Variants in GRM5 observed in about 807,000 individuals in gnomAD.
The protein encoded by GRM5 is metabotropic glutamate receptor 5.
In GRM5, 19 loss-of-function variants were observed where a neutral mutation model predicts 83.1. That is an observed-to-expected ratio of 0.23 (90% CI 0.16 to 0.34). The LOEUF (loss-of-function observed/expected upper bound fraction) is 0.34, where lower values mean the gene tolerates loss of function less well. Ranked by LOEUF, GRM5 falls within the 10% of genes least tolerant of loss-of-function variation. GRM5 has a pLI of 1.00. For missense variants in GRM5, 1,160 were observed against 1,588.3 expected (o/e 0.73, Z 4.58); for synonymous variants, 675 against 633.6 (o/e 1.07, Z -0.98).
intron 4 of GRM5, among the ~76,000 whole-genome samples, chr11:88,649,317 A>G (rs1330515182): frequency 1.4e-5 from 2 of 140,248 alleles, no homozygotes; most frequent in Admixed American, 7.5e-5. Context: ...TACATATTAC[A>G]TATATATGTA....
chr11:89,000,998 G>A (rs1426724673), intron 2 of GRM5, among the ~76,000 whole-genome samples: 3 of 140,500 alleles, frequency 2.1e-5, no homozygotes, highest in African/African-American at 7.5e-5. Context: ...ACCACAGTGA[G>A]ATAGCACTAT....
intron 2 of GRM5, among the ~76,000 whole-genome samples, chr11:88,853,188 G>A (rs1239790508): frequency 3.3e-5 from 5 of 152,090 alleles, no homozygotes; most frequent in African/African-American, 7.2e-5. Flanking sequence ...GTCTTCACTC[G>A]TAGCTCACGC....
chr11:88,685,054 C>T (rs972869169), intron 3 of GRM5, among the ~76,000 whole-genome samples: 6 of 152,104 alleles, frequency 3.9e-5, no homozygotes, highest in African/African-American at 7.2e-5. Context: ...GGCAAAAGTT[C>T]GAACAGTTTG....
intron 5 of GRM5, among the ~76,000 whole-genome samples, chr11:88,600,009 TCAAAA>T (rs757098995): frequency 1.6e-3 from 237 of 152,276 alleles, no homozygotes; most frequent in African/African-American, 4.7e-3. Flanking sequence ...TGAGACTGTC[TCAAAA>T]CAAAACAAAA....
chr11:88,776,929 T>A (rs1416487951), intron 3 of GRM5, among the ~76,000 whole-genome samples: 1 of 152,340 alleles, frequency 6.6e-6, no homozygotes, highest in African/African-American at 2.4e-5. Flanking sequence ...GGGGTTGCTC[T>A]TCTTGAGGAG....
chr11:88,626,713 G>T (rs542972915), intron 4 of GRM5, among the ~76,000 whole-genome samples: 33 of 152,288 alleles, frequency 2.2e-4, no homozygotes, highest in African/African-American at 5.8e-4. Context: ...TGGAGATGAA[G>T]TTTTGGGAAG....
intron 4 of GRM5, among the ~76,000 whole-genome samples, chr11:88,607,704 G>T (rs981707442): frequency 6.6e-6 from 1 of 152,002 alleles, no homozygotes; most frequent in African/African-American, 2.4e-5. Flanking sequence ...AAATTATTCC[G>T]CCCTAGACAC....
At chr11:89,003,007 G>T (rs140703105) in intron 2 of GRM5, among the ~76,000 whole-genome samples, 971 of 150,872 alleles carry the variant, frequency 6.4e-3, no homozygotes, top group Non-Finnish European at 0.011. Flanking sequence ...TTTTTTTTGT[G>T]TTCTTGTTCA....
intron 1 of GRM5, 87 bp downstream of exon 1, chr11:89,065,689 C>G (rs1484081777): frequency 6.6e-6 from 1 of 152,392 alleles, no homozygotes; most frequent in Non-Finnish European, 1.5e-5. Context: ...TGATTGCTCT[C>G]CATCCCTGCA....
chr11:88,958,134 A>G, intron 2 of GRM5, among the ~76,000 whole-genome samples: 1 of 151,802 alleles, frequency 6.6e-6, no homozygotes, highest in Non-Finnish European at 1.5e-5. Flanking sequence ...ACCAGAAAGA[A>G]GCCTTCAGGA....
chr11:88,681,564 C>CCTTTT (rs1940488074), intron 3 of GRM5, among the ~76,000 whole-genome samples: 1 of 19,346 alleles, frequency 5.2e-5, no homozygotes, highest in Non-Finnish European at 1.4e-4. Context: ...TTGAGTTCTT[C>CCTTTT]CTTTTTTTTT....
intron 2 of GRM5, among the ~76,000 whole-genome samples, chr11:88,902,344 T>A (rs532706203): frequency 6.6e-6 from 1 of 152,180 alleles, no homozygotes; most frequent in African/African-American, 2.4e-5. Context: ...ACATTCTATC[T>A]GGGAAGAGAA....
intron 2 of GRM5, among the ~76,000 whole-genome samples, chr11:88,880,734 T>C (rs1944937564): frequency 6.6e-6 from 1 of 152,118 alleles, no homozygotes; most frequent in Admixed American, 6.6e-5. Flanking sequence ...AAATAGAATG[T>C]TTTAAAGGAA....
chr11:88,861,822 C>G (rs1468121692), intron 2 of GRM5, among the ~76,000 whole-genome samples: 1 of 152,064 alleles, frequency 6.6e-6, no homozygotes, highest in Admixed American at 6.6e-5. Context: ...GCTGTCATTG[C>G]TCAACTCCCC....
At chr11:88,544,880 G>T (rs1450136108) in intron 8 of GRM5, among the ~76,000 whole-genome samples, 2 of 152,202 alleles carry the variant, frequency 1.3e-5, no homozygotes, top group African/African-American at 2.4e-5. Context: ...CCTGCATCTT[G>T]ATAGTTTGCA....
At chr11:88,698,582 G>A (rs904463) in intron 3 of GRM5, among the ~76,000 whole-genome samples, 120,066 of 152,046 alleles carry the variant, frequency 0.79, 51,043 homozygotes, top group Non-Finnish European at 0.96. Context: ...AATAGCATGG[G>A]ATCTTATTCT....
intron 3 of GRM5, among the ~76,000 whole-genome samples, chr11:88,741,536 T>G (rs1942028847): frequency 6.6e-6 from 1 of 152,108 alleles, no homozygotes; most frequent in Admixed American, 6.6e-5. Context: ...TATTCTTACA[T>G]TCATGCATTC....
At chr11:88,947,421 A>C (rs1938315333) in intron 2 of GRM5, among the ~76,000 whole-genome samples, 1 of 152,124 alleles carries the variant, frequency 6.6e-6, no homozygotes, top group Non-Finnish European at 1.5e-5. Flanking sequence ...TAGGACAATA[A>C]AGTCACCCAC....
At chr11:88,776,267 GT>G (rs557317913) in intron 3 of GRM5, among the ~76,000 whole-genome samples, 1 of 151,464 alleles carries the variant, frequency 6.6e-6, no homozygotes, top group Non-Finnish European at 1.5e-5. Context: ...TGCAACCCCT[GT>G]TTTTTTTGCT....
Sources: allele counts gnomAD v4.1 joint callset (sites outside exome capture counted in the v4.1 genomes callset), GRCh38; gene constraint gnomAD v4.1.1; transcripts MANE v1.5; gene names NCBI Gene and HGNC (gene_info 2026-07-23, HGNC 2026-07-21).